Variants in MRPS30 observed in about 807,000 individuals in gnomAD.
The protein encoded by MRPS30 is large ribosomal subunit protein mL65.
MRPS30 carries 42 observed loss-of-function variants against 43.8 expected under a neutral mutation model. That is an observed-to-expected ratio of 0.96 (90% CI 0.75 to 1.24). MRPS30 has a LOEUF of 1.24. MRPS30 is among the 50% of genes most tolerant of loss of function. The pLI, the probability that MRPS30 is intolerant of heterozygous loss-of-function variation, is 0.00. For synonymous variants in MRPS30, 273 were observed against 228.2 expected, an observed-to-expected ratio of 1.20 and a Z score of -1.77; for missense variants, 638 against 570.0, an observed-to-expected ratio of 1.12 and a Z score of -1.22.
chr5:44,809,341 C>G lies in MRPS30; in HGVS notation c.379C>G (p.Pro127Ala), dbSNP rs1356924940. ...GLPPPPAEPEPEPEPEPEPAL... is the reference protein window; with the variant it reads ...GLPPPPAEPEAEPEPEPEPAL... Reference sequence around the variant, plus strand: ...GCCGCCGCCCCCAGCGGAGCCCGAGCCCGAGCCCGAACCCGAACCTGAACC... The same window carrying G: ...GCCGCCGCCCCCAGCGGAGCCCGAGGCCGAGCCCGAACCCGAACCTGAACC... The change falls in exon 1 of 5, where the codon CCC (proline) becomes GCC (alanine). Residue 127 changes from proline to alanine, a missense_variant. Coordinates refer to ENST00000507110, the MANE Select transcript of MRPS30 (RefSeq NM_016640.4). The G allele has an allele frequency of 2.5e-6, 4 of 1,608,812 alleles. No homozygotes were observed. The highest frequency in any genetic ancestry group is 2.5e-6 in the Non-Finnish European group (3 of 1,177,860).
intron 3 of MRPS30, 111 bp from the exon 4 acceptor site, chr5:44,812,995 A>G: frequency 3.4e-6 from 3 of 874,322 alleles, no homozygotes. Context: ...TATTTAGAGT[A>G]CTGAGAATAT....
chr5:44,814,897 TAACTTTCTTCTAC>T lies in MRPS30; in HGVS notation c.1031-14_1031-2del. The T allele has an allele frequency of 1.3e-6, 2 of 1,583,088 alleles. No individual in the cohort carries two copies. Among genetic ancestry groups the T allele is most frequent in the Non-Finnish European group, 1.7e-6 (2 of 1,165,526 alleles). ...TATATTCTATGTGTAAATTTCAGCATAACTTTCTTCTACAGGATTCTGGAGTGAAGCAGATGTT... is the reference window on the plus strand; with the variant it reads ...TATATTCTATGTGTAAATTTCAGCATAGGATTCTGGAGTGAAGCAGATGTT... On this transcript the variant is annotated splice_region_variant and splice_polypyrimidine_tract_variant and intron_variant, in intron 4 of 4. Transcript: ENST00000507110.
At chr5:44,811,593 GAC>G (rs1404670043) in intron 2 of MRPS30, among the ~76,000 whole-genome samples, 8 of 152,168 alleles carry the variant, frequency 5.3e-5, no homozygotes, top group African/African-American at 1.9e-4. Flanking sequence ...GTCAGGGGTT[GAC>G]ACACTTTTTC....
At chr5:44,812,933 A>G (rs1313671160) in intron 3 of MRPS30, among the ~76,000 whole-genome samples, 173 bp from the exon 4 acceptor site, 1 of 152,090 alleles carries the variant, frequency 6.6e-6, no homozygotes, top group Non-Finnish European at 1.5e-5. Flanking sequence ...TGTGAAATTT[A>G]ATTTTATTAT....
Sources: allele counts gnomAD v4.1 joint callset (sites outside exome capture counted in the v4.1 genomes callset), GRCh38; gene constraint gnomAD v4.1.1; transcripts MANE v1.5; gene names NCBI Gene and HGNC (gene_info 2026-07-23, HGNC 2026-07-21).